Variants in RYR2 observed in about 807,000 individuals in gnomAD.
RYR2 encodes cardiac muscle ryanodine receptor-calcium release channel.
Under a neutral mutation model 601.1 loss-of-function variants are expected in RYR2, and 227 were observed. The observed-to-expected ratio is 0.38, with a 90% CI of 0.34 to 0.42. The LOEUF is 0.42. Ranked by LOEUF, RYR2 falls within the 10% of genes least tolerant of loss-of-function variation. The probability of loss-of-function intolerance (pLI) is 1.00; values close to 1 mark genes in which losing one functional copy is unlikely to be tolerated. For synonymous variants in RYR2, 2,223 were observed against 2,175.1 expected, an observed-to-expected ratio of 1.02 and a Z score of -0.61; for missense variants, 4,646 against 6,156.5, an observed-to-expected ratio of 0.75 and a Z score of 8.21.
At chr1:237,806,356 ACCCCT>A in intron 99 of RYR2, 73 bp downstream of exon 99, 1 of 1,400,328 alleles carries the variant, frequency 7.1e-7, no homozygotes, top group East Asian at 2.3e-5. Flanking sequence ...AAATAAAACT[ACCCCT>A]CAAATGACAA....
rs149990512 is a variant in RYR2 at position 237,258,381 on chromosome 1, G to T, written c.49-12116G>T. 3.0e-4 allele frequency among the ~76,000 whole-genome samples: 45 copies of T among 152,074 alleles called. 1 individual carries two copies. In the East Asian group the frequency reaches 8.4e-3, roughly 28 times the overall value. Reference sequence around the variant, plus strand: ...TATGGCCAGAGTGATGTCAGGGCAGGTAACAGGACTACAGGCAGTCAGGAG... The same window carrying T: ...TATGGCCAGAGTGATGTCAGGGCAGTTAACAGGACTACAGGCAGTCAGGAG... On this transcript the variant is annotated intron_variant, in intron 1 of 104. Coordinates refer to ENST00000366574, the MANE Select transcript of RYR2 (RefSeq NM_001035.3).
intron 22 of RYR2, among the ~76,000 whole-genome samples, chr1:237,503,924 T>C (rs1376641808): frequency 6.6e-6 from 1 of 152,152 alleles, no homozygotes; most frequent in Non-Finnish European, 1.5e-5. Context: ...GCCAGGCTGG[T>C]CTTGAACTCC....
intron 2 of RYR2, among the ~76,000 whole-genome samples, chr1:237,284,644 GTA>G (rs373841991): frequency 0.16 from 22,302 of 136,930 alleles, 1,837 homozygotes; most frequent in Middle Eastern, 0.19. Context: ...TATAGTGTGT[GTA>G]TATATATATA....
At chr1:237,235,854 A>C (rs901146166) in intron 1 of RYR2, among the ~76,000 whole-genome samples, 1 of 152,174 alleles carries the variant, frequency 6.6e-6, no homozygotes, top group African/African-American at 2.4e-5. Context: ...ATGGACAGAT[A>C]TTAAGTTTTA....
chr1:237,806,327 C>G (rs751281428), intron 99 of RYR2, 44 bp downstream of exon 99: 60 of 1,560,526 alleles, frequency 3.8e-5, no homozygotes, highest in Non-Finnish European at 5.2e-5. Flanking sequence ...AATAAAAAAG[C>G]AACAAATAAA....
At chr1:237,538,233 TAAAAAA>T (rs962283567) in intron 25 of RYR2, among the ~76,000 whole-genome samples, 1 of 136,186 alleles carries the variant, frequency 7.3e-6, no homozygotes, top group African/African-American at 2.7e-5. Context: ...CTACTAAAAA[TAAAAAA>T]AAAAAATTAG....
chr1:237,245,453 A>G (rs374216251), intron 1 of RYR2, among the ~76,000 whole-genome samples: 2 of 152,180 alleles, frequency 1.3e-5, no homozygotes, highest in East Asian at 3.9e-4. Flanking sequence ...GCCCAGGAAG[A>G]GTAAGAATAC....
At chr1:237,245,853 C>T (rs903935025) in intron 1 of RYR2, among the ~76,000 whole-genome samples, 1 of 152,134 alleles carries the variant, frequency 6.6e-6, no homozygotes, top group Non-Finnish European at 1.5e-5. Flanking sequence ...ACAATCTCGG[C>T]TCATTGTAAC....
chr1:237,343,225 A>C (rs1311776821), intron 3 of RYR2, among the ~76,000 whole-genome samples: 1 of 152,040 alleles, frequency 6.6e-6, no homozygotes, highest in Non-Finnish European at 1.5e-5. Flanking sequence ...GCTGTCTCAA[A>C]AAAAAAAAGC....
At position 237,490,207 on chromosome 1, in the gene RYR2, GA is replaced by G. The variant is rs144596558; in HGVS notation, c.1709-1594del. 3.4e-3 allele frequency among the ~76,000 whole-genome samples: 522 copies of G among 152,324 alleles called. 6 individuals are homozygous for G. Among genetic ancestry groups the G allele is most frequent in the African/African-American group, 0.012 (505 of 41,566 alleles). On this transcript the variant is annotated intron_variant, in intron 17 of 104. Coordinates refer to ENST00000366574, the MANE Select transcript of RYR2 (RefSeq NM_001035.3). ...GAGGAAGGGGGATCGAACAAGGGTT[GA>G]AAAATTACCTATTGGTTGGGCTTTG...
chr1:237,063,480 A>G (rs1156989762), intron 1 of RYR2, among the ~76,000 whole-genome samples: 1 of 152,088 alleles, frequency 6.6e-6, no homozygotes, highest in Non-Finnish European at 1.5e-5. Context: ...TCTACCTTAA[A>G]TGAATACTTT....
chr1:237,805,915 T>C (rs1026648015), intron 98 of RYR2, among the ~76,000 whole-genome samples: 1 of 152,178 alleles, frequency 6.6e-6, no homozygotes, highest in Non-Finnish European at 1.5e-5. Context: ...TTTGTATCTT[T>C]TAACAAATCT....
At chr1:237,377,989 T>G (rs1208375955) in intron 8 of RYR2, among the ~76,000 whole-genome samples, 2 of 152,212 alleles carry the variant, frequency 1.3e-5, no homozygotes, top group Non-Finnish European at 1.5e-5. Flanking sequence ...AATGCTGTCT[T>G]AGTCTGTTTT....
In RYR2 at chr1:237,111,447, G is replaced by A. The variant is rs539604695; in HGVS notation, c.48+68878G>A. On this transcript the variant is annotated intron_variant, in intron 1 of 104. Coordinates refer to ENST00000366574, the MANE Select transcript of RYR2 (RefSeq NM_001035.3). ...TACCAAAAATACAAAAATTAGCCGG[G>A]CGCGGTGGCAGGTGCCTGTTGTCCC... is the stretch of plus-strand genomic sequence containing the variant. Among the ~76,000 whole-genome samples the A allele has an allele frequency of 7.2e-5, 11 of 152,246 alleles. No individual in the cohort carries two copies. The South Asian group carries it at 2.3e-3, about 32-fold the overall frequency.
At chr1:237,604,129 T>C (rs892743505) in intron 35 of RYR2, among the ~76,000 whole-genome samples, 3 of 151,996 alleles carry the variant, frequency 2.0e-5, no homozygotes, top group African/African-American at 7.2e-5. Context: ...ATTCTTCTCA[T>C]CACCACATCG....
Position 237,459,240 on chromosome 1 carries a change from A to AGAGTT in RYR2, c.1612+2507_1612+2511dup, listed in dbSNP as rs999325267. On this transcript the variant is annotated intron_variant, in intron 16 of 104. Coordinates refer to ENST00000366574, the MANE Select transcript of RYR2 (RefSeq NM_001035.3). ...TTGGATAAACTCGATGCTTAAGTAAAGAGTTGCATCACCTAGCCTGGACAG... is the reference window on the plus strand; with the variant it reads ...TTGGATAAACTCGATGCTTAAGTAAAGAGTTGAGTTGCATCACCTAGCCTGGACAG... Among the ~76,000 whole-genome samples the AGAGTT allele has an allele frequency of 3.7e-4, 56 of 152,228 alleles. 1 individual carries two copies. The highest frequency in any genetic ancestry group is 1.6e-4 in the Non-Finnish European group (11 of 68,042).
intron 1 of RYR2, among the ~76,000 whole-genome samples, chr1:237,074,615 T>G (rs1251373323): frequency 1.3e-5 from 2 of 152,214 alleles, no homozygotes; most frequent in African/African-American, 4.8e-5. Context: ...TGATGTTCTT[T>G]TATGATTAGT....
intron 17 of RYR2, among the ~76,000 whole-genome samples, chr1:237,480,466 G>T (rs1171795750): frequency 4.0e-5 from 6 of 151,834 alleles, no homozygotes; most frequent in Non-Finnish European, 4.4e-5. Flanking sequence ...TTGAGATGTG[G>T]CAATTTATAC....
intron 24 of RYR2, among the ~76,000 whole-genome samples, chr1:237,512,292 T>C (rs776930701): frequency 1.3e-5 from 2 of 152,174 alleles, no homozygotes; most frequent in East Asian, 3.9e-4. Flanking sequence ...TCTAACAATT[T>C]TATTGTATTA....
Sources: gnomAD v4.1 joint callset for allele counts (sites outside exome capture counted in the v4.1 genomes callset) on GRCh38, gnomAD v4.1.1 for gene constraint, MANE v1.5 for transcripts, NCBI Gene and HGNC (gene_info 2026-07-23, HGNC 2026-07-21) for gene names.